AGTPBP1: variants seen among roughly 807,000 people sequenced by gnomAD.
AGTPBP1 encodes the protein cytosolic carboxypeptidase 1.
A neutral mutation model predicts 143.9 loss-of-function variants in AGTPBP1; 70 were observed. That is an observed-to-expected ratio of 0.49 (90% CI 0.40 to 0.59). AGTPBP1 has a LOEUF of 0.59. Ranked by LOEUF, AGTPBP1 falls within the 20% of genes least tolerant of loss-of-function variation. AGTPBP1 has a pLI of 0.00. For missense variants in AGTPBP1, 1,229 were observed against 1,464.5 expected (o/e 0.84, Z 2.62); for synonymous variants, 463 against 500.2 (o/e 0.93, Z 0.99).
chr9:85,780,533 A>T, the AGTPBP1 span, among the ~76,000 whole-genome samples: 3 of 151,538 alleles, frequency 2.0e-5, no homozygotes, highest in African/African-American at 7.3e-5. Context: ...TTTACAGAAG[A>T]TACTAAAGCA....
Position 85,592,848 on chromosome 9 carries a change from AC to A in AGTPBP1, c.2424-145del, listed in dbSNP as rs1829059801. 13 of 891,410 alleles carry A rather than the reference AC, an allele frequency of 1.5e-5. No homozygotes were observed. In the East Asian group the frequency reaches 1.5e-4, roughly 10 times the overall value. The allele number at this position is 891,410 out of a possible 1,614,324, so 55.2% of individuals were successfully genotyped here. ...AACTTAAATACCCTATTTTAAAAAA[AC>A]TTAGTACTAATAAAGCAGTAAACTA... On this transcript the variant is annotated intron_variant, in intron 18 of 25. Transcript: ENST00000357081.
chr9:85,554,465 G>A (rs1388159830), intron 25 of AGTPBP1, among the ~76,000 whole-genome samples: 2 of 152,174 alleles, frequency 1.3e-5, no homozygotes, highest in Non-Finnish European at 2.9e-5. Flanking sequence ...GGGAGAGGAG[G>A]AGCCTAGGCC....
At chr9:85,563,726 C>T (rs1048098212) in intron 25 of AGTPBP1, among the ~76,000 whole-genome samples, 2 of 152,086 alleles carry the variant, frequency 1.3e-5, no homozygotes, top group Admixed American at 1.3e-4. Flanking sequence ...GAGCCAGGAG[C>T]TATTGTCCAA....
intron 20 of AGTPBP1, among the ~76,000 whole-genome samples, chr9:85,589,102 A>T (rs1365144484): frequency 6.6e-6 from 1 of 152,138 alleles, no homozygotes; most frequent in Non-Finnish European, 1.5e-5. Context: ...GAGGCAATTT[A>T]AAAAAATATA....
chr9:85,612,389 G>A (rs1164059090), intron 17 of AGTPBP1, among the ~76,000 whole-genome samples: 1 of 152,186 alleles, frequency 6.6e-6, no homozygotes, highest in African/African-American at 2.4e-5. Flanking sequence ...GAGCTTCCAA[G>A]TGATGAATGC....
At chr9:85,561,263 G>A (rs1826696199) in intron 25 of AGTPBP1, among the ~76,000 whole-genome samples, 1 of 151,942 alleles carries the variant, frequency 6.6e-6, no homozygotes, top group Admixed American at 6.6e-5. Context: ...TTGGGAGGCT[G>A]AGGCAGGAGA....
At chr9:85,582,147 T>A (rs979040480) in intron 23 of AGTPBP1, among the ~76,000 whole-genome samples, 1 of 152,204 alleles carries the variant, frequency 6.6e-6, no homozygotes, top group African/African-American at 2.4e-5. Context: ...AACGTTAATA[T>A]CTTAACCATA....
chr9:85,609,142 A>T (rs1228293856), intron 17 of AGTPBP1, among the ~76,000 whole-genome samples: 2 of 152,170 alleles, frequency 1.3e-5, no homozygotes, highest in African/African-American at 4.8e-5. Context: ...CACATACATA[A>T]ATATGTACCT....
the AGTPBP1 span, among the ~76,000 whole-genome samples, chr9:85,766,128 C>CAAAAAA: frequency 2.5e-4 from 33 of 131,102 alleles, no homozygotes; most frequent in African/African-American, 8.9e-4. Context: ...TAGAAGAAGC[C>CAAAAAA]AAAAAAAAAA....
At chr9:85,784,020 T>C in the AGTPBP1 span, among the ~76,000 whole-genome samples, 1 of 152,270 alleles carries the variant, frequency 6.6e-6, no homozygotes, top group Non-Finnish European at 1.5e-5. Flanking sequence ...ATCTTTTGAC[T>C]AAAATATCTT....
At chr9:85,681,128 AATT>A (rs79627067) in intron 4 of AGTPBP1, 137 bp downstream of exon 4, 57,192 of 757,650 alleles carry the variant, frequency 0.075, 4,903 homozygotes, top group East Asian at 0.43. Flanking sequence ...CTAAAACAAA[AATT>A]ATTACATATA....
chr9:85,634,741 T>C (rs1016133916), intron 13 of AGTPBP1, among the ~76,000 whole-genome samples: 9 of 152,204 alleles, frequency 5.9e-5, no homozygotes, highest in Admixed American at 5.9e-4. Flanking sequence ...AAAAATCTTT[T>C]TGCAAAGAGT....
rs1828704747 is a variant in AGTPBP1, at chr9:85,587,735, C to A, written c.2903+563G>T. On this transcript the variant is annotated intron_variant, in intron 21 of 25. Transcript: ENST00000357081. ...CTAAATCCCATCTTTCAGAGTGGCA[C>A]TACAGAGACCTTGTCAAATTACCAG... is the stretch of plus-strand genomic sequence containing the variant. Among the ~76,000 whole-genome samples, 2 of 152,136 alleles carry A rather than the reference C, an allele frequency of 1.3e-5. 1 individual carries two copies. The highest frequency in any genetic ancestry group is 4.1e-4 in the South Asian group (2 of 4,834).
the AGTPBP1 span, among the ~76,000 whole-genome samples, chr9:85,801,878 C>T: frequency 2.4e-4 from 36 of 152,220 alleles, no homozygotes; most frequent in Middle Eastern, 3.4e-3. Context: ...CAAAACTACT[C>T]ACTACTACAA....
In AGTPBP1 at chr9:85,657,639, T is replaced by C; in HGVS notation, c.705A>G (p.Thr235=). ...DTLAALLKSK[T]NARRAVDRGY... ...CTCTGTCTACAGCTCTCCTGGCATTTGTTTCTTTAACAAAAGAAGATTGAG... is the reference window on the plus strand; with the variant it reads ...CTCTGTCTACAGCTCTCCTGGCATTCGTTTCTTTAACAAAAGAAGATTGAG... The change falls in exon 10 of 26, where the codon ACA becomes ACG. Residue 235 remains threonine (T), a synonymous_variant. Coordinates refer to ENST00000357081, the MANE Select transcript of AGTPBP1 (RefSeq NM_001330701.2). 6.3e-7 allele frequency: 1 copy of C among 1,595,732 alleles called. No homozygotes were observed.
intron 13 of AGTPBP1, among the ~76,000 whole-genome samples, chr9:85,633,603 A>G (rs1172925949): frequency 6.6e-6 from 1 of 152,206 alleles, no homozygotes; most frequent in Non-Finnish European, 1.5e-5. Flanking sequence ...GAAATCTTAG[A>G]ATTCTAAACA....
chr9:85,754,612 AT>A, the AGTPBP1 span, among the ~76,000 whole-genome samples: 1 of 152,124 alleles, frequency 6.6e-6, no homozygotes, highest in African/African-American at 2.4e-5. Context: ...CCACAAACTA[AT>A]TTTGAAGTTC....
At chr9:85,687,018 G>A (rs1323488624) in intron 3 of AGTPBP1, among the ~76,000 whole-genome samples, 1 of 152,034 alleles carries the variant, frequency 6.6e-6, no homozygotes, top group Non-Finnish European at 1.5e-5. Flanking sequence ...GGTACAAACA[G>A]GTTCAAAGTA....
At chr9:85,605,317 A>C (rs35335021) in intron 17 of AGTPBP1, among the ~76,000 whole-genome samples, 6,168 of 152,252 alleles carry the variant, frequency 0.041, 156 homozygotes, top group Middle Eastern at 0.12. Context: ...CTTACAGGTC[A>C]GGAGAAAGTG....
Sources: gnomAD v4.1 joint callset for allele counts (sites outside exome capture counted in the v4.1 genomes callset) on GRCh38, gnomAD v4.1.1 for gene constraint, MANE v1.5 for transcripts, NCBI Gene and HGNC (gene_info 2026-07-23, HGNC 2026-07-21) for gene names.